Variants in HS6ST3 observed in about 807,000 individuals in gnomAD.
The protein encoded by HS6ST3 is heparan-sulfate 6-O-sulfotransferase 3.
A neutral mutation model predicts 36.7 loss-of-function variants in HS6ST3; 12 were observed. The observed-to-expected ratio is 0.33, with a 90% CI of 0.21 to 0.53. HS6ST3 has a LOEUF of 0.53. Ranked by LOEUF, HS6ST3 falls within the 20% of genes least tolerant of loss-of-function variation. HS6ST3 has a pLI of 0.95. For missense variants in HS6ST3, 584 were observed against 640.9 expected, an observed-to-expected ratio of 0.91 and a Z score of 0.96; for synonymous variants, 240 against 257.5, an observed-to-expected ratio of 0.93 and a Z score of 0.65.
chr13:96,576,189 G>C (rs1476526661), intron 1 of HS6ST3, among the ~76,000 whole-genome samples: 1 of 152,116 alleles, frequency 6.6e-6, no homozygotes, highest in Non-Finnish European at 1.5e-5. Flanking sequence ...GGTTTGCTTG[G>C]CACTGTCCTG....
chr13:96,433,011 T>G (rs2055623400), intron 1 of HS6ST3, among the ~76,000 whole-genome samples: 2 of 152,228 alleles, frequency 1.3e-5, no homozygotes, highest in African/African-American at 4.8e-5. Context: ...CAGGCCTATT[T>G]GGCTAATAAA....
chr13:96,388,972 G>T (rs2055382269), intron 1 of HS6ST3, among the ~76,000 whole-genome samples: 1 of 152,104 alleles, frequency 6.6e-6, no homozygotes, highest in African/African-American at 2.4e-5. Context: ...TGTGAGAATG[G>T]ACATACACTA....
intron 1 of HS6ST3, among the ~76,000 whole-genome samples, chr13:96,727,305 T>C (rs540907856): frequency 6.6e-6 from 1 of 152,148 alleles, no homozygotes; most frequent in Non-Finnish European, 1.5e-5. Context: ...ATGAAAAATA[T>C]TCATCGTAGT....
chr13:96,494,302 C>T lies in HS6ST3; in HGVS notation c.708-338188C>T, dbSNP rs553779986. 3.2e-3 allele frequency among the ~76,000 whole-genome samples: 478 copies of T among 147,814 alleles called. 1 individual carries two copies. The highest frequency in any genetic ancestry group is 0.011 in the African/African-American group (459 of 39,956). On this transcript the variant is annotated intron_variant, in intron 1 of 1. Coordinates refer to ENST00000376705, the MANE Select transcript of HS6ST3 (RefSeq NM_153456.4). ...GCAAACTATCGCAAGGACAAAAAAC[C>T]AAACACCGCCTGTTCTCACTCATAG...
chr13:96,269,224 G>A (rs541737220), intron 1 of HS6ST3, among the ~76,000 whole-genome samples: 90 of 151,946 alleles, frequency 5.9e-4, no homozygotes, highest in Non-Finnish European at 2.8e-4. Context: ...GTTTTATGGG[G>A]CATGTATTCA....
intron 1 of HS6ST3, among the ~76,000 whole-genome samples, chr13:96,641,916 A>T (rs1219805079): frequency 1.3e-5 from 2 of 151,864 alleles, no homozygotes; most frequent in African/African-American, 4.8e-5. Flanking sequence ...AGACAAAGGG[A>T]TTAGCAACAA....
intron 1 of HS6ST3, among the ~76,000 whole-genome samples, chr13:96,659,850 A>C (rs896589248): frequency 3.9e-5 from 6 of 152,098 alleles, no homozygotes; most frequent in Non-Finnish European, 7.4e-5. Flanking sequence ...GTTGATACAT[A>C]AACAGAAAAG....
At chr13:96,619,512 A>G (rs971702086) in intron 1 of HS6ST3, among the ~76,000 whole-genome samples, 1 of 152,206 alleles carries the variant, frequency 6.6e-6, no homozygotes, top group Non-Finnish European at 1.5e-5. Flanking sequence ...CATAGTAACC[A>G]AATTTTAATA....
intron 1 of HS6ST3, among the ~76,000 whole-genome samples, chr13:96,803,790 G>C (rs1878137389): frequency 6.6e-6 from 1 of 152,118 alleles, no homozygotes; most frequent in South Asian, 2.1e-4. Context: ...AAGGAAAATT[G>C]TGATTTTGTT....
intron 1 of HS6ST3, among the ~76,000 whole-genome samples, chr13:96,194,928 C>T (rs2054305078): frequency 6.6e-6 from 1 of 152,126 alleles, no homozygotes; most frequent in Non-Finnish European, 1.5e-5. Flanking sequence ...AAATTGATCC[C>T]ATTTCCAAAC....
At chr13:96,545,622 A>T (rs1012979931) in intron 1 of HS6ST3, among the ~76,000 whole-genome samples, 2 of 152,194 alleles carry the variant, frequency 1.3e-5, no homozygotes, top group Non-Finnish European at 2.9e-5. Context: ...CTATAAGGAG[A>T]TAATGTATCC....
intron 1 of HS6ST3, among the ~76,000 whole-genome samples, chr13:96,741,042 A>C (rs1190423964): frequency 6.6e-6 from 1 of 152,186 alleles, no homozygotes; most frequent in Admixed American, 6.5e-5. Context: ...ATATAAACCC[A>C]CGAGGAGAAA....
intron 1 of HS6ST3, among the ~76,000 whole-genome samples, chr13:96,689,069 TGTTTATCAGCTGTGTGACTGG>T (rs1488936379): frequency 6.6e-6 from 1 of 152,128 alleles, no homozygotes; most frequent in African/African-American, 2.4e-5. Flanking sequence ...TGTGTTCTGC[TGTTTATCAGCTGTGTGACTGG>T]GGCAAGTTAT....
chr13:96,152,474 A>G (rs912188192), intron 1 of HS6ST3, among the ~76,000 whole-genome samples: 1 of 151,968 alleles, frequency 6.6e-6, no homozygotes. Flanking sequence ...AGTAGCTGGG[A>G]CTACAGGCGC....
intron 1 of HS6ST3, among the ~76,000 whole-genome samples, chr13:96,229,245 C>T (rs1388938225): frequency 2.0e-5 from 3 of 152,190 alleles, no homozygotes; most frequent in African/African-American, 4.8e-5. Context: ...CAGCACTTGC[C>T]ATTTCTCATT....
chr13:96,280,492 A>T (rs1331951605), intron 1 of HS6ST3, among the ~76,000 whole-genome samples: 2 of 152,310 alleles, frequency 1.3e-5, no homozygotes, highest in East Asian at 1.9e-4. Context: ...AGAGGTGACA[A>T]ATTCAGGATG....
intron 1 of HS6ST3, among the ~76,000 whole-genome samples, chr13:96,484,328 A>G (rs1314528880): frequency 6.6e-6 from 1 of 152,010 alleles, no homozygotes; most frequent in Non-Finnish European, 1.5e-5. Flanking sequence ...ATGTGCTGAG[A>G]ACACATAATC....
chr13:96,475,146 A>G (rs1157598304), intron 1 of HS6ST3, among the ~76,000 whole-genome samples: 2 of 152,170 alleles, frequency 1.3e-5, no homozygotes, highest in South Asian at 2.1e-4. Flanking sequence ...TGATTCCCCA[A>G]ACAAACAGTC....
At chr13:96,418,856 C>T (rs1026493046) in intron 1 of HS6ST3, among the ~76,000 whole-genome samples, 1 of 152,220 alleles carries the variant, frequency 6.6e-6, no homozygotes, top group Non-Finnish European at 1.5e-5. Flanking sequence ...GGTCATTCCA[C>T]GCTTCAGAAA....
Sources: allele counts gnomAD v4.1 joint callset (sites outside exome capture counted in the v4.1 genomes callset), GRCh38; gene constraint gnomAD v4.1.1; transcripts MANE v1.5; gene names NCBI Gene and HGNC (gene_info 2026-07-23, HGNC 2026-07-21).